The following UACA variants were observed in gnomAD, a reference collection of about 807,000 sequenced individuals.
UACA encodes uveal autoantigen with coiled-coil domains and ankyrin repeats.
A neutral mutation model predicts 160.5 loss-of-function variants in UACA; 112 were observed. The ratio of observed to expected loss-of-function variants is 0.70; its 90% CI spans 0.60 to 0.82. The LOEUF (loss-of-function observed/expected upper bound fraction) is 0.82, where lower values mean the gene tolerates loss of function less well. UACA is among the 40% of genes least tolerant of loss of function. UACA has a pLI of 0.00. For synonymous variants in UACA, 557 were observed against 568.4 expected, an observed-to-expected ratio of 0.98 and a Z score of 0.29; for missense variants, 1,574 against 1,614.6, an observed-to-expected ratio of 0.97 and a Z score of 0.43.
At chr15:70,686,446 CTTGAG>C (rs1230491287) in intron 7 of UACA, among the ~76,000 whole-genome samples, 1 of 145,160 alleles carries the variant, frequency 6.9e-6, no homozygotes, top group Non-Finnish European at 1.5e-5. Context: ...TAAAGAAATG[CTTGAG>C]TTAAGATAAG....
intron 1 of UACA, among the ~76,000 whole-genome samples, chr15:70,727,764 C>T (rs930266548): frequency 6.6e-6 from 1 of 152,146 alleles, no homozygotes; most frequent in Non-Finnish European, 1.5e-5. Context: ...AGAACTTCTA[C>T]TTAATATAGC....
At chr15:70,660,897 T>G (rs573672978) in intron 17 of UACA, 1 of 152,342 alleles carries the variant, frequency 6.6e-6, no homozygotes, top group African/African-American at 2.4e-5. Context: ...TCTCTTACTG[T>G]GCCCAATTTA....
chr15:70,678,947 G>A (rs1215130183), intron 10 of UACA, among the ~76,000 whole-genome samples: 1 of 152,002 alleles, frequency 6.6e-6, no homozygotes, highest in African/African-American at 2.4e-5. Context: ...CAAATGTATG[G>A]TTTACATCAC....
At chr15:70,742,946 T>C (rs1363334897) in intron 1 of UACA, among the ~76,000 whole-genome samples, 1 of 152,232 alleles carries the variant, frequency 6.6e-6, no homozygotes, top group Non-Finnish European at 1.5e-5. Flanking sequence ...CTGGGTTCTC[T>C]GCTTGGGGTC....
chr15:70,722,453 G>A (rs1297375716), intron 1 of UACA, among the ~76,000 whole-genome samples: 1 of 151,938 alleles, frequency 6.6e-6, no homozygotes, highest in Non-Finnish European at 1.5e-5. Flanking sequence ...GAGTAGCTGG[G>A]ACTACAGACA....
At chr15:70,685,473 CT>C (rs1374875324) in intron 7 of UACA, among the ~76,000 whole-genome samples, 1 of 152,100 alleles carries the variant, frequency 6.6e-6, no homozygotes, top group African/African-American at 2.4e-5. Context: ...CCCAACTCCC[CT>C]GTAGTTGCTG....
At chr15:70,749,494 C>T (rs2113444) in intron 1 of UACA, among the ~76,000 whole-genome samples, 96,544 of 149,234 alleles carry the variant, frequency 0.65, 34,124 homozygotes, top group Admixed American at 0.79. Flanking sequence ...CCACCGCACT[C>T]TGGCCTGGGC....
At chr15:70,772,777 G>A in the UACA span, among the ~76,000 whole-genome samples, 1 of 152,026 alleles carries the variant, frequency 6.6e-6, no homozygotes, top group Non-Finnish European at 1.5e-5. Flanking sequence ...CCTAGATGTG[G>A]GTACTGCAAC....
intron 18 of UACA, among the ~76,000 whole-genome samples, chr15:70,658,190 T>A (rs1248777698): frequency 1.3e-5 from 2 of 152,254 alleles, no homozygotes; most frequent in African/African-American, 2.4e-5. Context: ...CTTGTTTTTT[T>A]ATGTAGTGTC....
chr15:70,720,645 T>C (rs190014512), intron 1 of UACA, among the ~76,000 whole-genome samples: 27 of 152,336 alleles, frequency 1.8e-4, no homozygotes. Context: ...AGACTAATGT[T>C]ATTGAAGGAA....
chr15:70,723,699 C>G (rs1899061054), intron 1 of UACA, among the ~76,000 whole-genome samples: 1 of 148,688 alleles, frequency 6.7e-6, no homozygotes, highest in South Asian at 2.1e-4. Flanking sequence ...GTGGCGTGAT[C>G]TCGGCTCACT....
intron 1 of UACA, among the ~76,000 whole-genome samples, chr15:70,743,849 A>G (rs1899611588): frequency 6.6e-6 from 1 of 152,180 alleles, no homozygotes; most frequent in Non-Finnish European, 1.5e-5. Context: ...TTTCCACACT[A>G]CAAAACTCCA....
chr15:70,742,186 A>T (rs1899558738), intron 1 of UACA, among the ~76,000 whole-genome samples: 1 of 152,240 alleles, frequency 6.6e-6, no homozygotes, highest in South Asian at 2.1e-4. Context: ...TAAATTACTT[A>T]ACATGGTTAT....
chr15:70,675,786 C>T (rs192779399), intron 13 of UACA, among the ~76,000 whole-genome samples: 26 of 152,210 alleles, frequency 1.7e-4, no homozygotes, highest in Admixed American at 1.6e-3. Context: ...CTTAAATTCC[C>T]ACTGTGGTGG....
intron 1 of UACA, among the ~76,000 whole-genome samples, chr15:70,708,666 T>A (rs552943498): frequency 1.8e-4 from 28 of 152,180 alleles, no homozygotes; most frequent in Non-Finnish European, 3.4e-4. Flanking sequence ...AGACAGGATT[T>A]TGCCATGTTG....
chr15:70,666,886 C>T lies in UACA; in HGVS notation c.3798G>A (p.Lys1266=), dbSNP rs753877154. 6.2e-7 allele frequency: 1 copy of T among 1,613,776 alleles called. No individual in the cohort carries two copies. The highest frequency in any genetic ancestry group is 1.1e-5 in the South Asian group (1 of 90,992). Residue 1266 remains lysine (K), a synonymous_variant, in exon 16 of 19, where the codon AAG becomes AAA. Coordinates refer to ENST00000322954, the MANE Select transcript of UACA (RefSeq NM_018003.4). ...TCTCATCTTTTGCAGATATTTCCTT[C>T]TTTTTGGCATGCAAAACTTCCTCAC... ...EVCEEVLHAK[K]KEISAKDEKE...
rs1897308322 is a variant in UACA, at chr15:70,676,541, T to G, written c.1083A>C (p.Glu361Asp). Residue 361 changes from glutamate (E) to aspartate (D), a missense_variant, in exon 13 of 19, where the codon GAA becomes GAC. Physicochemically the swap from Glu to Asp is conservative, Grantham distance 45 (BLOSUM62 2). Transcript: ENST00000322954. ...TCAGAGCCTCAATAGTCCTTAAGCTTTCTTCATGTTGCTTTTCTTTAGCTG... is the reference window on the plus strand; with the variant it reads ...TCAGAGCCTCAATAGTCCTTAAGCTGTCTTCATGTTGCTTTTCTTTAGCTG... ...LLAAKEKQHE[E>D]SLRTIEALKN... 1.2e-6 allele frequency: 2 copies of G among 1,612,842 alleles called. No homozygotes were observed.
intron 11 of UACA, 63 bp from the exon 12 acceptor site, chr15:70,677,203 T>A (rs892484084): frequency 9.5e-6 from 12 of 1,259,526 alleles, no homozygotes; most frequent in Middle Eastern, 3.8e-4. Context: ...AGGCATGAAC[T>A]TGGCAAAGAT....
Position 70,699,557 on chromosome 15 carries a change from G to T in UACA, c.182C>A (p.Pro61Gln), listed in dbSNP as rs757762436. Reference protein sequence around the residue: ...TSILAKKGVNPGKLDVEGRSV... With the variant: ...TSILAKKGVNQGKLDVEGRSV... The stretch of plus-strand genomic sequence containing the variant: ...TCTGCCTTCCACATCTAGTTTGCCT[G>T]GATTGACCCCCTTTTTAGCAAGGAT... The change falls in exon 2 of 19, where the codon CCA becomes CAA. Residue 61 changes from proline (P) to glutamine (Q), a missense_variant. By Grantham distance (76) the Pro-to-Gln change is moderately conservative (BLOSUM62 -1). Transcript: ENST00000322954. 30 of 1,609,620 alleles carry T rather than the reference G, an allele frequency of 1.9e-5. No individual in the cohort carries two copies. Among genetic ancestry groups the T allele is most frequent in the Non-Finnish European group, 2.5e-5 (29 of 1,178,940 alleles).
Sources: allele counts gnomAD v4.1 joint callset (sites outside exome capture counted in the v4.1 genomes callset), GRCh38; gene constraint gnomAD v4.1.1; transcripts MANE v1.5; gene names NCBI Gene and HGNC (gene_info 2026-07-23, HGNC 2026-07-21).